RAP1B: variants seen among roughly 807,000 people sequenced by gnomAD.
The protein encoded by RAP1B is RAP1B, member of RAS oncogene family, also known as ras-related protein Rap-1b.
RAP1B carries 1 observed loss-of-function variant against 27.5 expected under a neutral mutation model. That is an observed-to-expected ratio of 0.04 (90% CI 0.01 to 0.17). The LOEUF is 0.17. Among genes scored for constraint, RAP1B ranks in the 10% least tolerant of loss-of-function variants. RAP1B has a pLI of 1.00. For missense variants in RAP1B, 84 were observed against 214.8 expected (o/e 0.39, Z 3.81); for synonymous variants, 75 against 73.1 (o/e 1.03, Z -0.13).
chr12:68,621,885 C>T (rs1871409265), intron 1 of RAP1B, among the ~76,000 whole-genome samples: 1 of 152,168 alleles, frequency 6.6e-6, no homozygotes, highest in Non-Finnish European at 1.5e-5. Flanking sequence ...TCCCAGCAGT[C>T]CCTTGTGTAC....
intron 1 of RAP1B, among the ~76,000 whole-genome samples, chr12:68,621,750 A>G (rs966063248): frequency 4.6e-5 from 7 of 152,242 alleles, no homozygotes; most frequent in Non-Finnish European, 1.0e-4. Context: ...TTAGTGGTTG[A>G]TACATCTTAC....
At chr12:68,612,325 A>G (rs1870663673) in intron 1 of RAP1B, among the ~76,000 whole-genome samples, 1 of 152,230 alleles carries the variant, frequency 6.6e-6, no homozygotes, top group African/African-American at 2.4e-5. Context: ...AGTAACTTAT[A>G]GAAAAGGGAG....
chr12:68,619,040 C>T (rs190041079), intron 1 of RAP1B, among the ~76,000 whole-genome samples: 70 of 152,250 alleles, frequency 4.6e-4, no homozygotes, highest in Admixed American at 2.4e-3. Flanking sequence ...TTGGAGGCTG[C>T]AGTTAGCTGT....
intron 1 of RAP1B, among the ~76,000 whole-genome samples, chr12:68,620,280 A>G (rs769372060): frequency 1.5e-4 from 22 of 151,544 alleles, no homozygotes; most frequent in African/African-American, 3.9e-4. Context: ...GTGGAATGCA[A>G]TGGTGCAATC....
chr12:68,646,830 T>C (rs987693581), intron 1 of RAP1B, among the ~76,000 whole-genome samples: 1 of 152,228 alleles, frequency 6.6e-6, no homozygotes, highest in African/African-American at 2.4e-5. Flanking sequence ...GGCTTGCATT[T>C]CTTCGAAAAC....
chr12:68,627,075 T>G (rs534368614), intron 1 of RAP1B: 2 of 1,593,354 alleles, frequency 1.3e-6, no homozygotes, highest in Non-Finnish European at 1.7e-6. Context: ...CTCAATCACA[T>G]GCTCCTTGTT....
At chr12:68,646,485 G>T (rs1440476681) in intron 1 of RAP1B, among the ~76,000 whole-genome samples, 1 of 152,048 alleles carries the variant, frequency 6.6e-6, no homozygotes, top group Non-Finnish European at 1.5e-5. Flanking sequence ...TAGTAGAAAC[G>T]GGGTTTCACC....
chr12:68,637,709 A>T (rs1326235233), intron 1 of RAP1B, among the ~76,000 whole-genome samples: 2 of 149,398 alleles, frequency 1.3e-5, no homozygotes, highest in Non-Finnish European at 3.0e-5. Context: ...TCCAGATTTC[A>T]TGTTTTATCA....
intron 1 of RAP1B, among the ~76,000 whole-genome samples, chr12:68,645,741 A>C (rs1794560991): frequency 6.6e-6 from 1 of 152,210 alleles, no homozygotes; most frequent in Non-Finnish European, 1.5e-5. Context: ...TCGCAATAAA[A>C]ATCTGTTTTT....
intron 1 of RAP1B, among the ~76,000 whole-genome samples, chr12:68,645,528 A>C (rs1424926989): frequency 1.3e-5 from 2 of 152,258 alleles, no homozygotes; most frequent in African/African-American, 4.8e-5. Context: ...CAGGAAAAGA[A>C]CACTTGAACA....
intron 6 of RAP1B, 73 bp downstream of exon 6, chr12:68,656,522 C>T (rs755663874): frequency 6.8e-7 from 1 of 1,476,130 alleles, no homozygotes; most frequent in African/African-American, 1.4e-5. Context: ...AATGTCTTAA[C>T]CCCAAGTTAA....
intron 4 of RAP1B, among the ~76,000 whole-genome samples, chr12:68,652,508 TC>T (rs1873887590): frequency 6.6e-6 from 1 of 152,092 alleles, no homozygotes; most frequent in Non-Finnish European, 1.5e-5. Context: ...TTGTTGTTGT[TC>T]CGTTGAATCC....
At chr12:68,652,325 A>T (rs773384279) in intron 4 of RAP1B, among the ~76,000 whole-genome samples, 1 of 152,034 alleles carries the variant, frequency 6.6e-6, no homozygotes, top group African/African-American at 2.4e-5. Flanking sequence ...GGGAGCCTGT[A>T]ATCCCAGCTA....
intron 1 of RAP1B, among the ~76,000 whole-genome samples, chr12:68,623,026 A>G (rs536042882): frequency 2.6e-5 from 4 of 152,316 alleles, no homozygotes; most frequent in South Asian, 2.1e-4. Context: ...AAAGTTTTAT[A>G]TCTATGTCCA....
In RAP1B at chr12:68,667,752, C is replaced by T. The variant is rs1157586578; in HGVS notation, c.*8503C>T. Reference sequence around the variant, plus strand: ...CACTTACTCATTCCTTTGCATTTTCCAACTTTAGTAAAGCATGACTTCATG... The same window carrying T: ...CACTTACTCATTCCTTTGCATTTTCTAACTTTAGTAAAGCATGACTTCATG... On this transcript the variant is annotated 3_prime_UTR_variant, in exon 8 of 8. Transcript: ENST00000250559. 6.6e-6 allele frequency: 1 copy of T among 152,154 alleles called. No homozygotes were observed. Among genetic ancestry groups the T allele is most frequent in the African/African-American group, 2.4e-5 (1 of 41,418 alleles). 9.4% of individuals were successfully genotyped at this position (152,154 alleles called of 1,614,324 possible).
At chr12:68,657,725 A>AACACACACACACACACACACAC in intron 7 of RAP1B, 2 of 126,158 alleles carry the variant, frequency 1.6e-5, no homozygotes, top group Non-Finnish European at 3.2e-5. Context: ...CCTAATTTAA[A>AACACACACACACACACACACAC]ACACACACAC....
chr12:68,616,341 G>A (rs1304486939), intron 1 of RAP1B, among the ~76,000 whole-genome samples: 1 of 151,646 alleles, frequency 6.6e-6, no homozygotes, highest in African/African-American at 2.4e-5. Context: ...CTGGAGTGCA[G>A]TGGCACGATC....
At chr12:68,619,862 T>A (rs1228303050) in intron 1 of RAP1B, among the ~76,000 whole-genome samples, 1 of 152,206 alleles carries the variant, frequency 6.6e-6, no homozygotes, top group Non-Finnish European at 1.5e-5. Context: ...TTGGTCTTGG[T>A]AATGGATTAG....
At chr12:68,649,187 G>A (rs933192481) in intron 2 of RAP1B, 1 of 157,090 alleles carries the variant, frequency 6.4e-6, no homozygotes, top group African/African-American at 2.4e-5. Flanking sequence ...TGGGACTACA[G>A]GCACGTGCCA....
Sources: gnomAD v4.1 joint callset for allele counts (sites outside exome capture counted in the v4.1 genomes callset) on GRCh38, gnomAD v4.1.1 for gene constraint, MANE v1.5 for transcripts, NCBI Gene and HGNC (gene_info 2026-07-23, HGNC 2026-07-21) for gene names.